Variants in EIPR1 observed in about 807,000 individuals in gnomAD.
The protein encoded by EIPR1 is EARP complex and GARP complex interacting protein 1.
A neutral mutation model predicts 48.1 loss-of-function variants in EIPR1; 25 were observed. The ratio of observed to expected loss-of-function variants is 0.52; its 90% CI spans 0.38 to 0.73. The LOEUF (loss-of-function observed/expected upper bound fraction) is 0.73. EIPR1 is among the 30% of genes least tolerant of loss of function. The pLI, the probability that EIPR1 is intolerant of heterozygous loss-of-function variation, is 0.00. For missense variants in EIPR1, 415 were observed against 506.2 expected (o/e 0.82, Z 1.73); for synonymous variants, 204 against 201.9 (o/e 1.01, Z -0.09).
intron 3 of EIPR1, among the ~76,000 whole-genome samples, chr2:3,335,454 C>T (rs1207004646): frequency 6.6e-6 from 1 of 151,286 alleles, no homozygotes. Context: ...TGAGGCTGGT[C>T]CTGCACGAGG....
At chr2:3,236,977 C>T (rs894975560) in intron 4 of EIPR1, among the ~76,000 whole-genome samples, 3 of 152,072 alleles carry the variant, frequency 2.0e-5, no homozygotes, top group African/African-American at 7.2e-5. Context: ...CTGATTTGTA[C>T]CATGTTAACA....
intron 3 of EIPR1, among the ~76,000 whole-genome samples, chr2:3,336,879 AG>A (rs1166079757): frequency 2.2e-4 from 28 of 128,242 alleles, no homozygotes; most frequent in Non-Finnish European, 3.8e-4. Context: ...AGGGAAGGGA[AG>A]GGAAAAGGGA....
At chr2:3,275,740 G>A (rs1667828779) in intron 3 of EIPR1, among the ~76,000 whole-genome samples, 1 of 138,512 alleles carries the variant, frequency 7.2e-6, no homozygotes, top group East Asian at 2.2e-4. Flanking sequence ...ATACATCCTT[G>A]TGAGAGGCAG....
At chr2:3,308,629 G>A (rs1334011884) in intron 3 of EIPR1, among the ~76,000 whole-genome samples, 1 of 152,194 alleles carries the variant, frequency 6.6e-6, no homozygotes, top group Admixed American at 6.5e-5. Flanking sequence ...CTCGAATTTG[G>A]TGAAGGACGT....
At chr2:3,362,662 AAAG>A (rs1244002748) in intron 1 of EIPR1, among the ~76,000 whole-genome samples, 1 of 151,912 alleles carries the variant, frequency 6.6e-6, no homozygotes, top group Non-Finnish European at 1.5e-5. Flanking sequence ...AAAAAAAAAA[AAAG>A]GAGAAGAAAA....
chr2:3,218,431 C>G (rs1354497569), intron 4 of EIPR1, among the ~76,000 whole-genome samples: 6 of 142,516 alleles, frequency 4.2e-5, no homozygotes, highest in East Asian at 2.2e-4. Flanking sequence ...GAGTCAGGTG[C>G]ACACCCAACA....
intron 2 of EIPR1, among the ~76,000 whole-genome samples, chr2:3,347,797 G>A (rs1670448362): frequency 6.6e-6 from 1 of 152,214 alleles, no homozygotes. Flanking sequence ...ACTGAAGACA[G>A]TAAGAAACAG....
At chr2:3,289,778 G>A (rs1224617892) in intron 3 of EIPR1, among the ~76,000 whole-genome samples, 3 of 152,190 alleles carry the variant, frequency 2.0e-5, no homozygotes, top group Non-Finnish European at 4.4e-5. Flanking sequence ...AAAGCTGAAC[G>A]CCAGCGGCCC....
chr2:3,339,291 T>G (rs373833307), intron 2 of EIPR1, among the ~76,000 whole-genome samples: 263 of 152,334 alleles, frequency 1.7e-3, no homozygotes, highest in African/African-American at 5.8e-3. Context: ...TTATTTGCAC[T>G]TTTAACATTT....
intron 4 of EIPR1, among the ~76,000 whole-genome samples, chr2:3,223,752 T>A (rs532458178): frequency 1.3e-5 from 2 of 152,102 alleles, no homozygotes; most frequent in Non-Finnish European, 2.9e-5. Flanking sequence ...GCTCTCTCTA[T>A]GCTCCTCCTC....
chr2:3,243,366 A>G (rs553269485), intron 4 of EIPR1, among the ~76,000 whole-genome samples: 1 of 151,940 alleles, frequency 6.6e-6, no homozygotes, highest in South Asian at 2.1e-4. Context: ...ACGGTGGCTC[A>G]CACCTGTAAT....
rs1362958111 is a variant in EIPR1 at position 3,203,805 on chromosome 2, G to T, written c.517-6788C>A. ...GCTGGGATGAGGCAAGCTCCACACT[G>T]TGGGGCCACACGGCCAGGAGCTGAG... On this transcript the variant is annotated intron_variant, in intron 5 of 8. Transcript: ENST00000382125. 2.0e-5 allele frequency among the ~76,000 whole-genome samples: 3 copies of T among 152,372 alleles called. No individual in the cohort carries two copies. The East Asian group carries it at 5.8e-4, about 29-fold the overall frequency.
At chr2:3,281,914 T>C (rs1038295795) in intron 3 of EIPR1, among the ~76,000 whole-genome samples, 7 of 152,224 alleles carry the variant, frequency 4.6e-5, no homozygotes, top group East Asian at 1.9e-4. Context: ...TGCGGGATGA[T>C]AGAGACCCTT....
At chr2:3,202,135 C>T (rs1341685425) in intron 5 of EIPR1, among the ~76,000 whole-genome samples, 1 of 152,100 alleles carries the variant, frequency 6.6e-6, no homozygotes, top group Non-Finnish European at 1.5e-5. Flanking sequence ...GACGGGGTTT[C>T]ACCATGTTAG....
Position 3,338,158 on chromosome 2 carries a change from A to G in EIPR1, c.127-9T>C, listed in dbSNP as rs1224722893. ...AAATCTATGATATGGATCTACAAAT[A>G]CAAGAAAAGAGCACATCAGGATCTC... On this transcript the variant is annotated splice_polypyrimidine_tract_variant and intron_variant, in intron 2 of 8. Transcript: ENST00000382125. The G allele has an allele frequency of 2.5e-6, 4 of 1,608,130 alleles. No individual in the cohort carries two copies. The highest frequency in any genetic ancestry group is 3.4e-6 in the Non-Finnish European group (4 of 1,178,814).
chr2:3,198,690 G>A (rs561039840), intron 5 of EIPR1, among the ~76,000 whole-genome samples: 7 of 152,228 alleles, frequency 4.6e-5, no homozygotes, highest in East Asian at 1.9e-4. Flanking sequence ...ATGATGCCCC[G>A]TGAGCCGTAA....
chr2:3,313,071 C>G (rs189129059), intron 3 of EIPR1, among the ~76,000 whole-genome samples: 1 of 152,322 alleles, frequency 6.6e-6, no homozygotes, highest in East Asian at 1.9e-4. Flanking sequence ...TACCTATCAG[C>G]CTCAAGGAGA....
chr2:3,354,743 A>C, intron 1 of EIPR1, 110 bp from the exon 2 acceptor site: 2 of 1,125,184 alleles, frequency 1.8e-6, no homozygotes, highest in Non-Finnish European at 2.6e-6. Flanking sequence ...ATAAAGTATA[A>C]ATTAGTACAG....
At chr2:3,216,238 G>A (rs917717542) in intron 4 of EIPR1, among the ~76,000 whole-genome samples, 10 of 152,190 alleles carry the variant, frequency 6.6e-5, no homozygotes, top group Admixed American at 6.5e-4. Flanking sequence ...TACCCCATGC[G>A]GGACATTTTC....
Sources: allele counts gnomAD v4.1 joint callset (sites outside exome capture counted in the v4.1 genomes callset), GRCh38; gene constraint gnomAD v4.1.1; transcripts MANE v1.5; gene names NCBI Gene and HGNC (gene_info 2026-07-23, HGNC 2026-07-21).